The following SACS variants were observed in gnomAD, a reference collection of about 807,000 sequenced individuals.
SACS encodes the protein sacsin molecular chaperone.
In SACS, 197 loss-of-function variants were observed where a neutral mutation model predicts 348.0. The ratio of observed to expected loss-of-function variants is 0.57; its 90% CI spans 0.50 to 0.64. The LOEUF is 0.64. Among genes scored for constraint, SACS ranks in the 30% least tolerant of loss-of-function variants. The probability of loss-of-function intolerance (pLI) is 0.00; values close to 1 mark genes in which losing one functional copy is unlikely to be tolerated. For missense variants in SACS, 4,999 were observed against 5,360.8 expected (o/e 0.93, Z 2.11); for synonymous variants, 1,985 against 1,910.6 (o/e 1.04, Z -1.02).
At chr13:23,395,948 C>T (rs995979635) in intron 2 of SACS, among the ~76,000 whole-genome samples, 2 of 152,120 alleles carry the variant, frequency 1.3e-5, no homozygotes, top group African/African-American at 4.8e-5. Context: ...TATTTTTCTA[C>T]CTCTGCATGG....
rs373499395 is a variant in SACS, at chr13:23,354,516, T to C, written c.2093+3A>G. On this transcript the variant is annotated splice_donor_region_variant and intron_variant, in intron 8 of 9. Transcript: ENST00000382292. ...ACAGGAATGTTAGAAGGGGGACCCC[T>C]ACCTTGGATATTCTGCTGAGGTAAT... is the stretch of plus-strand genomic sequence containing the variant. The C allele has an allele frequency of 6.2e-7, 1 of 1,613,734 alleles. No individual in the cohort carries two copies. Among genetic ancestry groups the C allele is most frequent in the African/African-American group, 1.3e-5 (1 of 74,938 alleles).
chr13:23,378,977 T>C (rs934903114), intron 2 of SACS, among the ~76,000 whole-genome samples: 2 of 152,236 alleles, frequency 1.3e-5, no homozygotes, highest in African/African-American at 4.8e-5. Flanking sequence ...TACACTCTGA[T>C]GCACTTGTTC....
Position 23,371,099 on chromosome 13 carries a change from A to AT in SACS, c.237dup (p.Ser80IlefsTer19), listed in dbSNP as rs770311689. 1.2e-6 allele frequency: 2 copies of AT among 1,607,438 alleles called. No individual in the cohort carries two copies. Among genetic ancestry groups the AT allele is most frequent in the Non-Finnish European group, 1.7e-6 (2 of 1,174,236 alleles). On this transcript the variant is annotated frameshift_variant, in exon 4 of 10. Coordinates refer to ENST00000382292, the MANE Select transcript of SACS (RefSeq NM_014363.6). LOFTEE classifies it high-confidence loss of function. ...ATACCTCCCCCTTTTAAGCCTTTTG[A>AT]TTGAAGGTTTACAAAAAGATGACAA...
intron 2 of SACS, among the ~76,000 whole-genome samples, chr13:23,385,168 G>A (rs1315999525): frequency 1.3e-5 from 2 of 151,576 alleles, no homozygotes; most frequent in Non-Finnish European, 2.9e-5. Context: ...TTTATCATGA[G>A]ATTGCCCCAA....
chr13:23,408,251 A>G (rs1873319673), intron 2 of SACS, among the ~76,000 whole-genome samples: 1 of 151,876 alleles, frequency 6.6e-6, no homozygotes, highest in Non-Finnish European at 1.5e-5. Context: ...TCTTACGCAC[A>G]CTGTAACTAG....
chr13:23,330,841 A>C lies in SACS; in HGVS notation c.13035T>G (p.His4345Gln). The change falls in exon 10 of 10, where the codon CAT becomes CAG. Residue 4345 changes from histidine (H) to glutamine (Q), a missense_variant. Physicochemically the swap from His to Gln is conservative, Grantham distance 24 (BLOSUM62 0). Around this residue, in one of 6 missense-constraint regions of SACS, gnomAD observed 254 missense variants for 275.1 expected, o/e 0.92. Coordinates refer to ENST00000382292, the MANE Select transcript of SACS (RefSeq NM_014363.6). ...KWHPDKNPEN[H>Q]DIANEVFKHL... ...GTTTAAAAACTTCATTGGCAATGTC[A>C]TGGTTCTCTGGATTTTTGTCAGGAT... 1 of 1,614,050 alleles carries C rather than the reference A, an allele frequency of 6.2e-7. No homozygotes were observed. The highest frequency in any genetic ancestry group is 8.5e-7 in the Non-Finnish European group (1 of 1,179,994).
intron 6 of SACS, among the ~76,000 whole-genome samples, chr13:23,359,210 T>C (rs1411143466): frequency 3.9e-5 from 6 of 152,006 alleles, no homozygotes; most frequent in Admixed American, 2.6e-4. Context: ...AAAAGAAATA[T>C]GGAGACTTGC....
In SACS at chr13:23,338,983, C is replaced by G. The variant is rs765777589; in HGVS notation, c.4893G>C (p.Leu1631Phe). ...TATAGCTGTAAGGTGCTTCTACAGT[C>G]AAAGGTAACTGACAGCCAAATACAT... Reference protein sequence around the residue: ...FIDVFGCQLPLTVEAPYSYNG... With the variant: ...FIDVFGCQLPFTVEAPYSYNG... Residue 1631 changes from leucine to phenylalanine, a missense_variant, in exon 10 of 10, where the codon TTG becomes TTC. Leu to Phe is a conservative substitution (Grantham distance 22, BLOSUM62 0). Around this residue, in one of 6 missense-constraint regions of SACS, gnomAD observed 3,156 missense variants for 3,380.1 expected, o/e 0.93. Coordinates refer to ENST00000382292, the MANE Select transcript of SACS (RefSeq NM_014363.6). 3.1e-6 allele frequency: 5 copies of G among 1,613,864 alleles called. No individual in the cohort carries two copies.
intron 1 of SACS, among the ~76,000 whole-genome samples, chr13:23,416,260 G>A (rs1873685541): frequency 7.3e-6 from 1 of 136,436 alleles, no homozygotes. Context: ...CCAGCCTGGG[G>A]GACAGAGCCG....
chr13:23,365,317 C>T (rs1231948697), intron 5 of SACS, 40 bp from the exon 6 acceptor site: 7 of 1,058,234 alleles, frequency 6.6e-6, no homozygotes, highest in South Asian at 5.7e-5. Context: ...ATTAATAACA[C>T]AGTAATCTAC....
intron 2 of SACS, among the ~76,000 whole-genome samples, chr13:23,404,753 C>T (rs1235705353): frequency 6.6e-6 from 1 of 152,126 alleles, no homozygotes; most frequent in Admixed American, 6.5e-5. Flanking sequence ...ATGAAAAAAT[C>T]GCAAGCATTT....
intron 2 of SACS, among the ~76,000 whole-genome samples, chr13:23,406,450 G>C (rs1252307220): frequency 6.6e-6 from 1 of 152,110 alleles, no homozygotes; most frequent in Non-Finnish European, 1.5e-5. Flanking sequence ...GATGGGTGCA[G>C]CAAACCACCA....
Position 23,339,885 on chromosome 13 carries a change from G to T in SACS, c.3991C>A (p.His1331Asn), listed in dbSNP as rs536353279. ...ATCTTCTGAATAACCATGGAAATAT[G>T]ATCTGATGTCAACTCCTCTATTGAA... ...CGSIEELTSD[H>N]ISMVIQKIYL... The change falls in exon 10 of 10, where the codon CAT becomes AAT. Residue 1331 changes from histidine to asparagine, a missense_variant. Around this residue, in one of 6 missense-constraint regions of SACS, gnomAD observed 3,156 missense variants for 3,380.1 expected, o/e 0.93. Transcript: ENST00000382292. 5.0e-6 allele frequency: 8 copies of T among 1,613,966 alleles called. No individual in the cohort carries two copies. In the South Asian group the frequency reaches 8.8e-5, roughly 18 times the overall value.
rs755218751 is a variant in SACS at position 23,336,427 on chromosome 13, A to G, written c.7449T>C (p.Tyr2483=). 7.4e-6 allele frequency: 12 copies of G among 1,613,966 alleles called. No individual in the cohort carries two copies. The highest frequency in any genetic ancestry group is 4.0e-5 in the African/African-American group (3 of 74,934). ...CTTCCCTGGGTATGTCAGCATGACA[A>G]TATTTTACAGTGGTATCCTTTACTT... ...WIKVKDTTVK[Y]CHADIPREVA... The change falls in exon 10 of 10, where the codon TAT becomes TAC. Residue 2483 remains tyrosine, a synonymous_variant. Transcript: ENST00000382292.
At chr13:23,383,336 C>T (rs1005657186) in intron 2 of SACS, among the ~76,000 whole-genome samples, 6 of 152,176 alleles carry the variant, frequency 3.9e-5, no homozygotes, top group Non-Finnish European at 7.3e-5. Context: ...AGGGCCCCAG[C>T]TGTTCTCACT....
In SACS at chr13:23,355,700, G is replaced by A; in HGVS notation, c.912C>T (p.Asp304=). 1 of 1,614,110 alleles carries A rather than the reference G, an allele frequency of 6.2e-7. No individual in the cohort carries two copies. The highest frequency in any genetic ancestry group is 1.1e-5 in the South Asian group (1 of 91,082). Residue 304 remains aspartate, a synonymous_variant, in exon 8 of 10, where the codon GAC becomes GAT. Coordinates refer to ENST00000382292, the MANE Select transcript of SACS (RefSeq NM_014363.6). ...ELFESFRADA[D]TVLLFLKSVQ... Reference sequence around the variant, plus strand: ...CACTTTTCAGAAAGAGCAGCACTGTGTCTGCATCTGCCCTAAAAGACTCAA... The same window carrying A: ...CACTTTTCAGAAAGAGCAGCACTGTATCTGCATCTGCCCTAAAAGACTCAA...
rs139886400 is a variant in SACS at position 23,432,665 on chromosome 13, TTTATTA to T, written c.-502+944_-502+949del. 7.2e-3 allele frequency among the ~76,000 whole-genome samples: 1,093 copies of T among 152,074 alleles called. 13 individuals are homozygous for T. The highest frequency in any genetic ancestry group is 0.021 in the African/African-American group (876 of 41,468). On this transcript the variant is annotated intron_variant, in intron 1 of 9. Coordinates refer to ENST00000382292, the MANE Select transcript of SACS (RefSeq NM_014363.6). ...ACAAATAAAATGGGATTGTCAATTA[TTTATTA>T]TTATTATTATTATTTTCATCCATGA...
chr13:23,392,094 C>T (rs1872547909), intron 2 of SACS, among the ~76,000 whole-genome samples: 1 of 152,146 alleles, frequency 6.6e-6, no homozygotes, highest in South Asian at 2.1e-4. Context: ...CCAAGTCTAC[C>T]GGGTCCCCCC....
Position 23,337,091 on chromosome 13 carries a change from T to C in SACS, c.6785A>G (p.Asn2262Ser), listed in dbSNP as rs760215774. 1.2e-6 allele frequency: 2 copies of C among 1,613,984 alleles called. No individual in the cohort carries two copies. The highest frequency in any genetic ancestry group is 2.2e-5 in the South Asian group (2 of 91,078). ...DIVCLLQPIL[N>S]ENSHSFRGCG... ...ACCTCTAAAAGAATGGGAATTTTCA[T>C]TTAGAATTGGTTGCAAAAGACAAAC... is the stretch of plus-strand genomic sequence containing the variant. Residue 2262 changes from asparagine (N) to serine (S), a missense_variant, in exon 10 of 10, where the codon AAT (asparagine) becomes AGT (serine). This residue lies in a region of SACS where 3,156 missense variants were observed against 3,380.1 expected (regional missense o/e 0.93). Coordinates refer to ENST00000382292, the MANE Select transcript of SACS (RefSeq NM_014363.6).
Sources: gnomAD v4.1 joint callset for allele counts (sites outside exome capture counted in the v4.1 genomes callset) on GRCh38, gnomAD v4.1.1 for gene constraint, gnomAD v4.1.1 regional missense constraint, MANE v1.5 for transcripts, NCBI Gene and HGNC (gene_info 2026-07-23, HGNC 2026-07-21) for gene names.